Variants in PISD observed in about 807,000 individuals in gnomAD.
The protein encoded by PISD is phosphatidylserine decarboxylase.
PISD carries 31 observed loss-of-function variants against 43.5 expected under a neutral mutation model. The observed-to-expected ratio is 0.71, with a 90% confidence interval of 0.54 to 0.96. PISD has a LOEUF of 0.96. Ranked by LOEUF, PISD falls within the 40% of genes least tolerant of loss-of-function variation. The pLI, the probability that PISD is intolerant of heterozygous loss-of-function variation, is 0.00. For missense variants in PISD, 523 were observed against 548.4 expected, an observed-to-expected ratio of 0.95 and a Z score of 0.46; for synonymous variants, 259 against 228.7, an observed-to-expected ratio of 1.13 and a Z score of -1.20.
At chr22:31,649,437 T>C (rs888446213) in intron 2 of PISD, among the ~76,000 whole-genome samples, 2 of 152,078 alleles carry the variant, frequency 1.3e-5, no homozygotes, top group Non-Finnish European at 2.9e-5. Flanking sequence ...ATTATCAAGT[T>C]AAAATGAGGT....
chr22:31,643,785 A>T (rs2073803603), intron 3 of PISD, among the ~76,000 whole-genome samples: 1 of 152,194 alleles, frequency 6.6e-6, no homozygotes, highest in African/African-American at 2.4e-5. Context: ...ATGGTGGCTC[A>T]TGCCTGTAAT....
At chr22:31,629,062 C>G in intron 3 of PISD, 34 of 985,484 alleles carry the variant, frequency 3.5e-5, no homozygotes, top group South Asian at 4.7e-5. Flanking sequence ...TTTTGGGGAT[C>G]CATACCAGAG....
Position 31,641,663 on chromosome 22 carries a change from C to CA in PISD, c.321+6437dup, listed in dbSNP as rs564700978. ...AAACCCGATCTCTACTAAAAACACACAAAAAAATTAGCCAGGTGTGGTGCC... is the reference window on the plus strand; with the variant it reads ...AAACCCGATCTCTACTAAAAACACACAAAAAAAATTAGCCAGGTGTGGTGCC... On this transcript the variant is annotated intron_variant, in intron 3 of 7. Coordinates refer to ENST00000439502, the MANE Select transcript of PISD (RefSeq NM_001326411.2). Among the ~76,000 whole-genome samples the CA allele has an allele frequency of 1.5e-3, 222 of 150,530 alleles. 7 individuals carry two copies. Among genetic ancestry groups the CA allele is most frequent in the African/African-American group, 3.7e-3 (149 of 40,100 alleles).
intron 3 of PISD, chr22:31,629,290 G>A: frequency 1.1e-6 from 1 of 904,310 alleles, no homozygotes; most frequent in Non-Finnish European, 1.3e-6. Flanking sequence ...GTGTGCAGGT[G>A]CAAGGGTATG....
At chr22:31,631,749 C>G (rs1338055929) in intron 3 of PISD, among the ~76,000 whole-genome samples, 1 of 152,178 alleles carries the variant, frequency 6.6e-6, no homozygotes, top group Non-Finnish European at 1.5e-5. Flanking sequence ...ACCATTCAAC[C>G]AAAGAAAAGG....
In PISD at chr22:31,620,127, C is replaced by T. The variant is rs74710327; in HGVS notation, c.1006-291G>A. On this transcript the variant is annotated intron_variant, in intron 7 of 7. Coordinates refer to ENST00000439502, the MANE Select transcript of PISD (RefSeq NM_001326411.2). ...GAGCAGCACCCGTGGGAGCCAAGGC[C>T]GTTGGTCACAAACTGACACCCAAAA... Among the ~76,000 whole-genome samples, 662 of 152,314 alleles carry T rather than the reference C, an allele frequency of 4.3e-3. 4 individuals are homozygous for T. The highest frequency in any genetic ancestry group is 0.015 in the African/African-American group (627 of 41,572).
chr22:31,637,162 AAAATATATATATATATATATATATAT>A (rs1232545265), intron 3 of PISD, among the ~76,000 whole-genome samples: 20 of 15,474 alleles, frequency 1.3e-3, no homozygotes, highest in South Asian at 9.8e-3. Flanking sequence ...AAAAAAAAAA[AAAATATATATATATATATATATATAT>A]ATATATATAT....
chr22:31,621,593 G>T, intron 4 of PISD, 56 bp downstream of exon 4: 1 of 1,597,126 alleles, frequency 6.3e-7, no homozygotes, highest in Non-Finnish European at 8.6e-7. Context: ...GGGGGGCTGT[G>T]CTGGGGAGGC....
chr22:31,656,954 C>T (rs2074196662), intron 1 of PISD, among the ~76,000 whole-genome samples: 1 of 152,086 alleles, frequency 6.6e-6, no homozygotes, highest in African/African-American at 2.4e-5. Flanking sequence ...CTCTTGAACA[C>T]TAACTTCTTA....
intron 1 of PISD, 41 bp from the exon 2 acceptor site, chr22:31,650,819 A>C: frequency 7.9e-7 from 1 of 1,266,740 alleles, no homozygotes. Flanking sequence ...ATTATTCTTA[A>C]AATTAAAATT....
intron 3 of PISD, among the ~76,000 whole-genome samples, chr22:31,639,915 A>G (rs1438642683): frequency 6.6e-6 from 1 of 152,178 alleles, no homozygotes; most frequent in Non-Finnish European, 1.5e-5. Context: ...GGACATCATG[A>G]GTTCCTGAAA....
At chr22:31,658,715 C>A (rs1443994059) in intron 1 of PISD, among the ~76,000 whole-genome samples, 1 of 151,830 alleles carries the variant, frequency 6.6e-6, no homozygotes, top group South Asian at 2.1e-4. Context: ...CCATTTTTTG[C>A]GGAGAGGAGG....
Position 31,619,559 on chromosome 22 carries a change from C to T in PISD, c.*53G>A. On this transcript the variant is annotated 3_prime_UTR_variant, in exon 8 of 8. Coordinates refer to ENST00000439502, the MANE Select transcript of PISD (RefSeq NM_001326411.2). ...CTCATGGGCCTCCCTCTTGAAAAGACCCTCACTCTGTTTGGAAAAGATCCC... is the reference window on the plus strand; with the variant it reads ...CTCATGGGCCTCCCTCTTGAAAAGATCCTCACTCTGTTTGGAAAAGATCCC... 3 of 1,484,422 alleles carry T rather than the reference C, an allele frequency of 2.0e-6. No individual in the cohort carries two copies. The highest frequency in any genetic ancestry group is 1.7e-5 in the Admixed American group (1 of 57,912). The allele number at this position is 1,484,422 out of a possible 1,614,324, so 92.0% of individuals were successfully genotyped here.
chr22:31,647,918 C>T (rs1361762700), intron 3 of PISD, among the ~76,000 whole-genome samples, 183 bp downstream of exon 3: 3 of 152,198 alleles, frequency 2.0e-5, no homozygotes, highest in Non-Finnish European at 4.4e-5. Flanking sequence ...GGTCTGGCAA[C>T]AGAAGACAAG....
rs528592932 is a variant in PISD, at chr22:31,624,042, G to T, written c.322-2157C>A. Among the ~76,000 whole-genome samples, 3 of 152,368 alleles carry T rather than the reference G, an allele frequency of 2.0e-5. No individual in the cohort carries two copies. The South Asian group carries it at 6.2e-4, about 32-fold the overall frequency. ...GTCCCAACCCCATTCTGATTCAGGGGCTTGGCTGCCTCTGGCTAGCGGACT... is the reference window on the plus strand; with the variant it reads ...GTCCCAACCCCATTCTGATTCAGGGTCTTGGCTGCCTCTGGCTAGCGGACT... On this transcript the variant is annotated intron_variant, in intron 3 of 7. Coordinates refer to ENST00000439502, the MANE Select transcript of PISD (RefSeq NM_001326411.2).
Position 31,630,978 on chromosome 22 carries a change from G to C in PISD, c.322-9093C>G, listed in dbSNP as rs1161842836. On this transcript the variant is annotated intron_variant, in intron 3 of 7. Transcript: ENST00000439502. The surrounding 1 kb of genome is among the most constrained non-coding windows in gnomAD (Gnocchi z 4.4). ...GCCGCCCCCTCTGAGCCCCAGTCCT[G>C]CTGGGCCGTCCGCCCAACCCGAGGG... 3.6e-6 allele frequency: 2 copies of C among 553,934 alleles called. No individual in the cohort carries two copies. The highest frequency in any genetic ancestry group is 6.3e-5 in the Admixed American group (1 of 15,782). The allele number at this position is 553,934 out of a possible 1,614,324, so 34.3% of individuals were successfully genotyped here. A position where few individuals can be genotyped will look rare whatever the true frequency, so the allele number is the denominator to read the frequency against.
At chr22:31,633,319 G>T (rs930584387) in intron 3 of PISD, among the ~76,000 whole-genome samples, 7 of 152,256 alleles carry the variant, frequency 4.6e-5, no homozygotes, top group Admixed American at 2.0e-4. Flanking sequence ...GAGATCTCTG[G>T]GATTCTCACA....
chr22:31,620,749 G>C, intron 6 of PISD, 36 bp from the exon 7 acceptor site: 1 of 1,611,474 alleles, frequency 6.2e-7, no homozygotes, highest in Non-Finnish European at 8.5e-7. Context: ...TCCCCGTCCA[G>C]AGCCCGGTGT....
At chr22:31,620,331 C>T (rs2072465138) in intron 7 of PISD, among the ~76,000 whole-genome samples, 1 of 152,192 alleles carries the variant, frequency 6.6e-6, no homozygotes, top group East Asian at 1.9e-4. Context: ...CCCTCCATCT[C>T]TTCCAGCCAC....
Sources: allele counts gnomAD v4.1 joint callset (sites outside exome capture counted in the v4.1 genomes callset), GRCh38; gene constraint gnomAD v4.1.1; non-coding constraint Gnocchi (gnomAD v3.1); transcripts MANE v1.5; gene names NCBI Gene and HGNC (gene_info 2026-07-23, HGNC 2026-07-21).